XRRA1: variants seen among roughly 807,000 people sequenced by gnomAD.
XRRA1 encodes X-ray radiation resistance-associated protein 1.
A neutral mutation model predicts 80.2 loss-of-function variants in XRRA1; 69 were observed. The ratio of observed to expected loss-of-function variants is 0.86; its 90% CI spans 0.71 to 1.05. The LOEUF is 1.05. Among genes scored for constraint, XRRA1 ranks in the 50% least tolerant of loss-of-function variants. The pLI is 0.00. For synonymous variants in XRRA1, 348 were observed against 389.9 expected (o/e 0.89, Z 1.27); for missense variants, 967 against 976.4 (o/e 0.99, Z 0.13).
chr11:74,885,962 C>A (rs2048924430), intron 10 of XRRA1, among the ~76,000 whole-genome samples: 1 of 152,188 alleles, frequency 6.6e-6, no homozygotes, highest in African/African-American at 2.4e-5. Flanking sequence ...AAAACAAAAA[C>A]CACATGATCA....
chr11:74,847,525 C>T (rs901339335), intron 15 of XRRA1, among the ~76,000 whole-genome samples: 10 of 152,024 alleles, frequency 6.6e-5, no homozygotes, highest in African/African-American at 2.4e-4. Flanking sequence ...CCAGAATGCC[C>T]TTGCTGCTAT....
chr11:74,904,468 A>G (rs931684459), intron 10 of XRRA1, among the ~76,000 whole-genome samples: 22 of 144,182 alleles, frequency 1.5e-4, no homozygotes, highest in Non-Finnish European at 3.0e-5. Flanking sequence ...CTCTAAAAAG[A>G]AAAAAAAAAA....
chr11:74,853,866 G>A (rs2040461064), intron 12 of XRRA1, among the ~76,000 whole-genome samples: 3 of 152,138 alleles, frequency 2.0e-5, no homozygotes. Context: ...AATGGGGCTG[G>A]AAATGCAAGT....
chr11:74,843,167 G>A lies in XRRA1; in HGVS notation c.*33C>T, dbSNP rs1416329644. The A allele has an allele frequency of 6.5e-7, 1 of 1,531,360 alleles. No individual in the cohort carries two copies. Among genetic ancestry groups the A allele is most frequent in the African/African-American group, 1.4e-5 (1 of 73,038 alleles). 94.9% of individuals were successfully genotyped at this position (1,531,360 alleles called of 1,614,324 possible). A position where few individuals can be genotyped will look rare whatever the true frequency, so the allele number is the denominator to read the frequency against. On this transcript the variant is annotated 3_prime_UTR_variant, in exon 19 of 19. Coordinates refer to ENST00000684022, the MANE Select transcript of XRRA1 (RefSeq NM_001378157.1). The stretch of plus-strand genomic sequence containing the variant: ...GCCCTCGGGGAGAGCTGGGGCACAG[G>A]CCGGGTGGTGCACACAGCCCCCATG...
intron 10 of XRRA1, among the ~76,000 whole-genome samples, chr11:74,874,012 C>T (rs1373465705): frequency 1.3e-5 from 2 of 151,688 alleles, no homozygotes; most frequent in African/African-American, 2.4e-5. Flanking sequence ...CCGAGGTGGG[C>T]GGATCATGAA....
chr11:74,937,416 C>T (rs1945260527), intron 3 of XRRA1, among the ~76,000 whole-genome samples: 1 of 151,984 alleles, frequency 6.6e-6, no homozygotes, highest in Non-Finnish European at 1.5e-5. Flanking sequence ...TGAAGTCTTC[C>T]CTTTTGCCCC....
chr11:74,900,488 A>C (rs1406040293), intron 10 of XRRA1, among the ~76,000 whole-genome samples: 1 of 152,184 alleles, frequency 6.6e-6, no homozygotes, highest in African/African-American at 2.4e-5. Flanking sequence ...AGGCTGAGGC[A>C]GGAGAATCAC....
intron 8 of XRRA1, among the ~76,000 whole-genome samples, chr11:74,910,179 C>T (rs112692160): frequency 0.023 from 3,515 of 152,234 alleles, 151 homozygotes; most frequent in African/African-American, 0.08. Context: ...AGATACAGAA[C>T]ACCAACTGTG....
intron 10 of XRRA1, among the ~76,000 whole-genome samples, chr11:74,903,102 G>A (rs2053882319): frequency 6.6e-6 from 1 of 152,134 alleles, no homozygotes; most frequent in Non-Finnish European, 1.5e-5. Context: ...TAAGGACATA[G>A]GAAGACAAGA....
intron 10 of XRRA1, among the ~76,000 whole-genome samples, chr11:74,881,476 ATT>A (rs2136706841): frequency 6.8e-6 from 1 of 147,806 alleles, no homozygotes; most frequent in African/African-American, 2.5e-5. Flanking sequence ...TAAAGTTAAT[ATT>A]GTTATGTGTG....
At chr11:74,859,402 C>T in intron 11 of XRRA1, 119 bp from the exon 12 acceptor site, 1 of 1,142,376 alleles carries the variant, frequency 8.8e-7, no homozygotes. Context: ...GAGACTTGGC[C>T]AAAAGAGACA....
At chr11:74,896,516 C>T (rs985015224) in intron 10 of XRRA1, among the ~76,000 whole-genome samples, 3 of 151,872 alleles carry the variant, frequency 2.0e-5, no homozygotes, top group Admixed American at 1.3e-4. Flanking sequence ...AATAGAATAT[C>T]GTGTAAATTG....
intron 10 of XRRA1, among the ~76,000 whole-genome samples, chr11:74,888,449 A>G (rs1362785112): frequency 6.6e-6 from 1 of 152,236 alleles, no homozygotes. Flanking sequence ...AAAGGTAGAT[A>G]AAACCACAAA....
intron 10 of XRRA1, chr11:74,863,615 T>A (rs2042779833): frequency 6.5e-6 from 1 of 153,212 alleles, no homozygotes; most frequent in African/African-American, 2.4e-5. Context: ...ATGAGATGAG[T>A]CTAACAGCTG....
At chr11:74,897,579 G>A (rs1342412019) in intron 10 of XRRA1, among the ~76,000 whole-genome samples, 2 of 151,686 alleles carry the variant, frequency 1.3e-5, no homozygotes, top group Non-Finnish European at 2.9e-5. Flanking sequence ...ATTCCCAAAG[G>A]TCAAGGATCC....
intron 10 of XRRA1, among the ~76,000 whole-genome samples, chr11:74,889,827 G>T (rs2050156407): frequency 6.6e-6 from 1 of 152,168 alleles, no homozygotes; most frequent in Non-Finnish European, 1.5e-5. Flanking sequence ...ATGGTAAAGG[G>T]ATCAATTCAA....
At chr11:74,855,255 G>A (rs902848629) in intron 12 of XRRA1, among the ~76,000 whole-genome samples, 1 of 152,180 alleles carries the variant, frequency 6.6e-6, no homozygotes, top group African/African-American at 2.4e-5. Context: ...CAAAGTGGGT[G>A]TAGAGTCTTG....
chr11:74,842,797 T>G lies in XRRA1; in HGVS notation c.*403A>C, dbSNP rs181780558. The G allele has an allele frequency of 3.8e-4, 73 of 193,418 alleles. No homozygotes were observed. The highest frequency in any genetic ancestry group is 2.9e-3 in the Admixed American group (53 of 18,522). The allele number at this position is 193,418 out of a possible 1,614,324, so 12.0% of individuals were successfully genotyped here. ...TCTGGTTTTTAAAAATACCCTTTTT[T>G]GGAGCCATTGTTCAGGAATTTGTTA... is the stretch of plus-strand genomic sequence containing the variant. On this transcript the variant is annotated 3_prime_UTR_variant, in exon 19 of 19. Transcript: ENST00000684022.
At chr11:74,940,958 T>C (rs1303794106) in intron 2 of XRRA1, 76 bp from the exon 3 acceptor site, 17 of 1,129,186 alleles carry the variant, frequency 1.5e-5, no homozygotes, top group Non-Finnish European at 1.3e-6. Context: ...CCAGTGCAGC[T>C]CATGAGCCCA....
Sources: gnomAD v4.1 joint callset for allele counts (sites outside exome capture counted in the v4.1 genomes callset) on GRCh38, gnomAD v4.1.1 for gene constraint, MANE v1.5 for transcripts, NCBI Gene and HGNC (gene_info 2026-07-23, HGNC 2026-07-21) for gene names.